The following FBF1 variants were observed in gnomAD, a reference collection of about 807,000 sequenced individuals.
The protein encoded by FBF1 is Fas binding factor 1.
In FBF1, 119 loss-of-function variants were observed where a neutral mutation model predicts 147.2. That is an observed-to-expected ratio of 0.81 (90% CI 0.70 to 0.94). The LOEUF (loss-of-function observed/expected upper bound fraction) is 0.94, where lower values mean the gene tolerates loss of function less well. Among genes scored for constraint, FBF1 ranks in the 40% least tolerant of loss-of-function variants. The pLI is 0.00. For synonymous variants in FBF1, 601 were observed against 609.0 expected (o/e 0.99, Z 0.19); for missense variants, 1,449 against 1,500.8 (o/e 0.97, Z 0.57).
At chr17:75,939,419 C>T (rs1371845492) in intron 1 of FBF1, among the ~76,000 whole-genome samples, 1 of 151,822 alleles carries the variant, frequency 6.6e-6, no homozygotes, top group African/African-American at 2.4e-5. Flanking sequence ...CAGCAAGTGG[C>T]AAGTACTCAT....
At chr17:75,912,058 T>A (rs1442470203) in intron 29 of FBF1, 134 bp downstream of exon 29, 1 of 806,042 alleles carries the variant, frequency 1.2e-6, no homozygotes, top group African/African-American at 1.7e-5. Context: ...ATTGGCTCAC[T>A]AAGCAAACTG....
In FBF1 at chr17:75,914,231, C is replaced by T. The variant is rs1201442268; in HGVS notation, c.2882G>A (p.Arg961Lys). 2 of 1,592,982 alleles carry T rather than the reference C, an allele frequency of 1.3e-6. No individual in the cohort carries two copies. The highest frequency in any genetic ancestry group is 1.7e-6 in the Non-Finnish European group (2 of 1,171,982). ...RAEEKQLAAE[R>K]AALEQERQEL... ...CTGCCGCTCCTGCTCCAGGGCTGCT[C>T]TCTCCGCTGCCAGCTGCTTCTCCTC... Residue 961 changes from arginine to lysine, a missense_variant, in exon 26 of 30, where the codon AGA becomes AAA. Coordinates refer to ENST00000636174, the MANE Select transcript of FBF1 (RefSeq NM_001319193.2).
At position 75,919,857 on chromosome 17, in the gene FBF1, A is replaced by G; in HGVS notation, c.1949T>C (p.Leu650Pro). 2 of 1,613,776 alleles carry G rather than the reference A, an allele frequency of 1.2e-6. No individual in the cohort carries two copies. The highest frequency in any genetic ancestry group is 1.7e-6 in the Non-Finnish European group (2 of 1,179,884). The change falls in exon 20 of 30, where the codon CTA (leucine) becomes CCA (proline). Residue 650 changes from leucine to proline, a missense_variant. Leu to Pro is a moderately conservative substitution (Grantham distance 98, BLOSUM62 -3). Transcript: ENST00000636174. The surrounding 1 kb of genome is among the most constrained non-coding windows in gnomAD (Gnocchi z 5.0). The stretch of plus-strand genomic sequence containing the variant: ...CTCCCGTTGCTGGTACGATGTTTCT[A>G]GCACCTTGATGCGGCTTCTGCCAAC... ...ESAHRSRIKVLETSYQQREER... is the reference protein window; with the variant it reads ...ESAHRSRIKVPETSYQQREER...
chr17:75,923,693 G>T lies in FBF1; in HGVS notation c.969-52C>A, dbSNP rs2065543448. ...GCAGGGGAAACAGCCAGTCCCAGTG[G>T]CCCCCTAGCAGCCTGCAGCTGGGCG... On this transcript the variant is annotated intron_variant, in intron 13 of 29. Transcript: ENST00000636174. This position sits in a 1 kb window ranked among gnomAD's most constrained non-coding sequence, Gnocchi z 4.1. The T allele has an allele frequency of 1.3e-6, 2 of 1,489,892 alleles. No homozygotes were observed. The highest frequency in any genetic ancestry group is 1.4e-5 in the African/African-American group (1 of 72,070). 92.3% of individuals were successfully genotyped at this position (1,489,892 alleles called of 1,614,324 possible). A position where few individuals can be genotyped will look rare whatever the true frequency, so the allele number is the denominator to read the frequency against.
At chr17:75,938,009 C>T in intron 2 of FBF1, 138 bp downstream of exon 2, 1 of 1,312,416 alleles carries the variant, frequency 7.6e-7, no homozygotes, top group Non-Finnish European at 1.1e-6. Flanking sequence ...AATGCCACCT[C>T]CTGTCACTCT....
intron 2 of FBF1, 45 bp downstream of exon 2, chr17:75,938,102 G>T: frequency 6.2e-7 from 1 of 1,611,096 alleles, no homozygotes; most frequent in East Asian, 2.2e-5. Flanking sequence ...TGCAGGATGG[G>T]AGGCATGTTC....
chr17:75,926,559 G>A, intron 10 of FBF1, 133 bp from the exon 11 acceptor site: 1 of 1,382,130 alleles, frequency 7.2e-7, no homozygotes, highest in Non-Finnish European at 9.6e-7. Context: ...TCTGTCCACG[G>A]GACCCAATTC....
In FBF1 at chr17:75,914,008, C is replaced by G; in HGVS notation, c.3034G>C (p.Glu1012Gln). Residue 1012 changes from glutamate (E) to glutamine (Q), a missense_variant, in exon 27 of 30, where the codon GAG (glutamate) becomes CAG (glutamine). Physicochemically the swap from Glu to Gln is conservative, Grantham distance 29. Coordinates refer to ENST00000636174, the MANE Select transcript of FBF1 (RefSeq NM_001319193.2). ...KYEEGERALR[E>Q]AQQVQAEQQA... ...TGCTCTGCCTGCACCTGCTGGGCCT[C>G]GCGCAATGCCCGCTCCCCCTCCTCG... 6.3e-7 allele frequency: 1 copy of G among 1,579,876 alleles called. No individual in the cohort carries two copies. The highest frequency in any genetic ancestry group is 8.5e-7 in the Non-Finnish European group (1 of 1,170,338).
rs201707040 is a variant in FBF1, at chr17:75,914,888, C to T, written c.2673G>A (p.Gly891=). ...EEQKSVMLKC[G]EERRRLAAEW... ...CGGCAGCCAGGCGCCGCCGCTCCTC[C>T]CCGCACTTGAGCATGACAGACTTCT... The change falls in exon 25 of 30, where the codon GGG becomes GGA. Residue 891 remains glycine (G), a synonymous_variant. Transcript: ENST00000636174. The T allele has an allele frequency of 5.0e-6, 8 of 1,612,388 alleles. No individual in the cohort carries two copies. In the African/African-American group the frequency reaches 6.7e-5, roughly 13 times the overall value.
chr17:75,926,706 GTTGC>G, intron 10 of FBF1, 48 bp downstream of exon 10: 1 of 1,574,226 alleles, frequency 6.4e-7, no homozygotes, highest in Non-Finnish European at 8.6e-7. Context: ...TGGTTAGCTT[GTTGC>G]CAATAAACTC....
Position 75,923,589 on chromosome 17 carries a change from G to A in FBF1, c.1021C>T (p.Gln341Ter). ...ADPKGEPGSK[Q>*]SPPMASSPIQ... ...GGGCTGGAAGCCATTGGAGGGCTCTGTTTGGAGCCTGGTTCTCCCTTGGGG... is the reference window on the plus strand; with the variant it reads ...GGGCTGGAAGCCATTGGAGGGCTCTATTTGGAGCCTGGTTCTCCCTTGGGG... Residue 341 changes from glutamine (Q) to a stop codon, truncating the protein, a stop_gained, in exon 14 of 30, where the codon CAG becomes TAG. Transcript: ENST00000636174. LOFTEE classifies it high-confidence loss of function. This position sits in a 1 kb window ranked among gnomAD's most constrained non-coding sequence, Gnocchi z 4.1. 6.2e-7 allele frequency: 1 copy of A among 1,610,744 alleles called. No homozygotes were observed. The highest frequency in any genetic ancestry group is 8.5e-7 in the Non-Finnish European group (1 of 1,178,886).
chr17:75,922,090 G>A lies in FBF1; in HGVS notation c.1425-44C>T, dbSNP rs776012605. 6.6e-5 allele frequency: 100 copies of A among 1,517,648 alleles called. No homozygotes were observed. Among genetic ancestry groups the A allele is most frequent in the Non-Finnish European group, 8.7e-5 (97 of 1,117,318 alleles). The allele number at this position is 1,517,648 out of a possible 1,614,324, so 94.0% of individuals were successfully genotyped here. ...CAAGGTGAAGGTGACAGAAGGCCCAGGTCAGGCTGGATGAAGACAGGGCCC... is the reference window on the plus strand; with the variant it reads ...CAAGGTGAAGGTGACAGAAGGCCCAAGTCAGGCTGGATGAAGACAGGGCCC... On this transcript the variant is annotated intron_variant, in intron 14 of 29. Coordinates refer to ENST00000636174, the MANE Select transcript of FBF1 (RefSeq NM_001319193.2). The surrounding 1 kb of genome is among the most constrained non-coding windows in gnomAD (Gnocchi z 5.0).
intron 17 of FBF1, among the ~76,000 whole-genome samples, chr17:75,920,961 G>T (rs962793771): frequency 6.6e-6 from 1 of 152,040 alleles, no homozygotes; most frequent in Non-Finnish European, 1.5e-5. Context: ...AGGACCCTGC[G>T]GCCCTGCTTT....
Position 75,922,242 on chromosome 17 carries a change from C to T in FBF1, c.1425-196G>A. 3.6e-6 allele frequency: 2 copies of T among 558,812 alleles called. No homozygotes were observed. The highest frequency in any genetic ancestry group is 4.0e-5 in the South Asian group (2 of 50,500). The allele number at this position is 558,812 out of a possible 1,614,324, so 34.6% of individuals were successfully genotyped here. ...GGGCATCTCTTCCCTTCCAGTACCC[C>T]CTTCCTGCCTCAATGTCCACAGTGG... On this transcript the variant is annotated intron_variant, in intron 14 of 29. Transcript: ENST00000636174. This position sits in a 1 kb window ranked among gnomAD's most constrained non-coding sequence, Gnocchi z 5.0.
intron 4 of FBF1, 56 bp downstream of exon 4, chr17:75,935,575 GA>G: frequency 9.3e-6 from 14 of 1,500,000 alleles, no homozygotes; most frequent in Admixed American, 4.2e-5. Context: ...AACATAGTAA[GA>G]AAAAAAAGCA....
At chr17:75,934,084 G>C (rs536396905) in intron 4 of FBF1, among the ~76,000 whole-genome samples, 1 of 152,094 alleles carries the variant, frequency 6.6e-6, no homozygotes, top group Non-Finnish European at 1.5e-5. Flanking sequence ...ACTAGTACAC[G>C]AACGTTCATA....
intron 6 of FBF1, 137 bp downstream of exon 6, chr17:75,931,092 C>A: frequency 1.1e-6 from 1 of 889,030 alleles, no homozygotes; most frequent in Non-Finnish European, 1.7e-6. Flanking sequence ...GAGACTCCAT[C>A]TCAAAAAACA....
At position 75,938,248 on chromosome 17, in the gene FBF1, A is replaced by G; in HGVS notation, c.-83-16T>C. ...CTCATACTCCCTAATGAAGAAAATT[A>G]AAGTGGTTGCTTAAAAATGATGTAG... On this transcript the variant is annotated splice_polypyrimidine_tract_variant and intron_variant, in intron 1 of 29. Coordinates refer to ENST00000636174, the MANE Select transcript of FBF1 (RefSeq NM_001319193.2). 1.9e-6 allele frequency: 3 copies of G among 1,553,280 alleles called. No individual in the cohort carries two copies. The highest frequency in any genetic ancestry group is 2.6e-6 in the Non-Finnish European group (3 of 1,134,812).
In FBF1 at chr17:75,918,254, G is replaced by A; in HGVS notation, c.2154C>T (p.Asp718=). 2 of 1,612,900 alleles carry A rather than the reference G, an allele frequency of 1.2e-6. No individual in the cohort carries two copies. Among genetic ancestry groups the A allele is most frequent in the South Asian group, 2.2e-5 (2 of 91,056 alleles). ...GCTGCTCCTCGTGGTCTCTGCGCAT[G>A]TCTAGGATGGACGCCCTGAGGGGAG... ...LRELQRASIL[D]MRRDHEEQLQ... Residue 718 remains aspartate (D), a synonymous_variant, in exon 21 of 30, where the codon GAC becomes GAT. Transcript: ENST00000636174. This position sits in a 1 kb window ranked among gnomAD's most constrained non-coding sequence, Gnocchi z 5.8.
Sources: allele counts gnomAD v4.1 joint callset (sites outside exome capture counted in the v4.1 genomes callset), GRCh38; gene constraint gnomAD v4.1.1; non-coding constraint Gnocchi (gnomAD v3.1); transcripts MANE v1.5; gene names NCBI Gene and HGNC (gene_info 2026-07-23, HGNC 2026-07-21).